Variants in EYA1 observed in about 807,000 individuals in gnomAD.
The protein encoded by EYA1 is EYA transcriptional coactivator and phosphatase 1.
Under a neutral mutation model 82.0 loss-of-function variants are expected in EYA1, and 16 were observed. The observed-to-expected ratio is 0.20, with a 90% CI of 0.13 to 0.30. EYA1 has a LOEUF of 0.30. EYA1 is among the 10% of genes least tolerant of loss of function. EYA1 has a pLI of 1.00. For synonymous variants in EYA1, 261 were observed against 264.4 expected (o/e 0.99, Z 0.12); for missense variants, 633 against 730.7 (o/e 0.87, Z 1.54).
chr8:71,289,322 T>C (rs1244496273), intron 9 of EYA1, among the ~76,000 whole-genome samples: 1 of 152,216 alleles, frequency 6.6e-6, no homozygotes, highest in East Asian at 1.9e-4. Flanking sequence ...TATAATTCAG[T>C]GAATACTTAT....
chr8:71,281,126 A>G (rs1369833932), intron 9 of EYA1, among the ~76,000 whole-genome samples: 1 of 152,236 alleles, frequency 6.6e-6, no homozygotes, highest in African/African-American at 2.4e-5. Flanking sequence ...CTCAATTTGA[A>G]GTAGCTATAA....
intron 2 of EYA1, among the ~76,000 whole-genome samples, chr8:71,403,225 A>T (rs922729881): frequency 6.6e-6 from 1 of 152,240 alleles, no homozygotes; most frequent in Non-Finnish European, 1.5e-5. Context: ...AAAGGTGAGC[A>T]ATCCAATACA....
intron 4 of EYA1, 31 bp downstream of exon 4, chr8:71,334,066 T>G (rs2129046913): frequency 6.7e-7 from 1 of 1,494,886 alleles, no homozygotes; most frequent in African/African-American, 1.4e-5. Flanking sequence ...ATGCTTGGTG[T>G]TGATGTGAAA....
chr8:71,439,078 TG>T (rs949505026), intron 2 of EYA1, among the ~76,000 whole-genome samples: 5 of 152,106 alleles, frequency 3.3e-5, no homozygotes, highest in African/African-American at 1.2e-4. Context: ...GATTTTGATA[TG>T]GGGGGCCCTA....
At chr8:71,499,129 C>G (rs1270064782) in intron 2 of EYA1, among the ~76,000 whole-genome samples, 1 of 152,082 alleles carries the variant, frequency 6.6e-6, no homozygotes, top group African/African-American at 2.4e-5. Context: ...GGGTTTTCCT[C>G]ACATTCTAAA....
At chr8:71,237,282 C>T (rs28714409) in intron 12 of EYA1, among the ~76,000 whole-genome samples, 6,271 of 152,160 alleles carry the variant, frequency 0.041, 409 homozygotes, top group African/African-American at 0.14. Context: ...AAACTCCTGA[C>T]CTCGTGATCC....
intron 11 of EYA1, among the ~76,000 whole-genome samples, chr8:71,267,548 T>C (rs1815990408): frequency 6.6e-6 from 1 of 152,198 alleles, no homozygotes; most frequent in Non-Finnish European, 1.5e-5. Flanking sequence ...TTATATGAGA[T>C]AAAACTTTTG....
chr8:71,334,081 A>G lies in EYA1; in HGVS notation c.202+16T>C. The G allele has an allele frequency of 6.3e-7, 1 of 1,595,158 alleles. No individual in the cohort carries two copies. Among genetic ancestry groups the G allele is most frequent in the Non-Finnish European group, 8.6e-7 (1 of 1,162,896 alleles). ...ATGCTTGGTGTTGATGTGAAAATCTAATATTTATTCCTTACCTGAACCTGA... is the reference window on the plus strand; with the variant it reads ...ATGCTTGGTGTTGATGTGAAAATCTGATATTTATTCCTTACCTGAACCTGA... On this transcript the variant is annotated intron_variant, in intron 4 of 17. Coordinates refer to ENST00000340726, the MANE Select transcript of EYA1 (RefSeq NM_000503.6).
chr8:71,269,795 G>A lies in EYA1; in HGVS notation c.995C>T (p.Thr332Ile). 1 of 1,613,694 alleles carries A rather than the reference G, an allele frequency of 6.2e-7. No individual in the cohort carries two copies. Among genetic ancestry groups the A allele is most frequent in the Non-Finnish European group, 8.5e-7 (1 of 1,179,716 alleles). The change falls in exon 11 of 18, where the codon ACA becomes ATA. Residue 332 changes from threonine (T) to isoleucine (I), a missense_variant. Coordinates refer to ENST00000340726, the MANE Select transcript of EYA1 (RefSeq NM_000503.6). ...ERVFIWDLDE[T>I]IIVFHSLLTG... ...AAGCAAGGAGTGGAAAACAATGATT[G>A]TCTCATCCAAGTCCCAGATGAACAC... is the stretch of plus-strand genomic sequence containing the variant.
intron 1 of EYA1, among the ~76,000 whole-genome samples, chr8:71,539,277 C>T (rs1280366200): frequency 6.6e-6 from 1 of 152,092 alleles, no homozygotes; most frequent in Non-Finnish European, 1.5e-5. Flanking sequence ...GCTGGAGATG[C>T]ATTTAATGAT....
chr8:71,382,220 A>T (rs990641183), intron 2 of EYA1, among the ~76,000 whole-genome samples: 1 of 152,206 alleles, frequency 6.6e-6, no homozygotes, highest in Non-Finnish European at 1.5e-5. Flanking sequence ...AAGTAGATAA[A>T]AGCTTTATTT....
upstream of EYA1, among the ~76,000 whole-genome samples, chr8:71,364,939 CATATATAT>C (rs34890892): frequency 0.07 from 6,146 of 87,998 alleles, 342 homozygotes; most frequent in Non-Finnish European, 0.085. Flanking sequence ...AAGCAAATGT[CATATATAT>C]ATATATATAT....
At chr8:71,261,643 G>T (rs1815123851) in intron 11 of EYA1, among the ~76,000 whole-genome samples, 1 of 152,176 alleles carries the variant, frequency 6.6e-6, no homozygotes, top group African/African-American at 2.4e-5. Flanking sequence ...ACATTCCAAA[G>T]ACTAATTTTG....
intron 2 of EYA1, among the ~76,000 whole-genome samples, chr8:71,406,903 G>A (rs1377881897): frequency 1.4e-5 from 2 of 145,468 alleles, no homozygotes; most frequent in Admixed American, 1.4e-4. Context: ...GCCTCTGTAG[G>A]CTCCACCTCT....
At chr8:71,545,603 C>A (rs1363259259) in intron 1 of EYA1, among the ~76,000 whole-genome samples, 1 of 147,136 alleles carries the variant, frequency 6.8e-6, no homozygotes, top group Non-Finnish European at 1.5e-5. Flanking sequence ...GCTCTGTCGC[C>A]CAGGCTGGAG....
At chr8:71,257,532 T>A (rs960189792) in intron 11 of EYA1, among the ~76,000 whole-genome samples, 1 of 152,210 alleles carries the variant, frequency 6.6e-6, no homozygotes, top group African/African-American at 2.4e-5. Flanking sequence ...CTGCCAAAGT[T>A]CCTCAGCATA....
In EYA1 at chr8:71,198,617, C is replaced by A. The variant is rs1806540364; in HGVS notation, c.*723G>T. 1 of 152,610 alleles carries A rather than the reference C, an allele frequency of 6.6e-6. No homozygotes were observed. Among genetic ancestry groups the A allele is most frequent in the Admixed American group, 6.5e-5 (1 of 15,278 alleles). The allele number at this position is 152,610 out of a possible 1,614,324, so 9.5% of individuals were successfully genotyped here. A position where few individuals can be genotyped will look rare whatever the true frequency, so the allele number is the denominator to read the frequency against. Reference sequence around the variant, plus strand: ...TTATTACAAATTTACACCAAAAATTCTTTCTGTACATGATTGTCTCAGTGA... The same window carrying A: ...TTATTACAAATTTACACCAAAAATTATTTCTGTACATGATTGTCTCAGTGA... On this transcript the variant is annotated 3_prime_UTR_variant, in exon 18 of 18. Coordinates refer to ENST00000340726, the MANE Select transcript of EYA1 (RefSeq NM_000503.6).
intron 2 of EYA1, among the ~76,000 whole-genome samples, chr8:71,373,253 C>CA (rs1023311889): frequency 6.6e-6 from 1 of 152,046 alleles, no homozygotes; most frequent in Non-Finnish European, 1.5e-5. Context: ...AAAGGTTCCA[C>CA]AAAAAATGTT....
intron 7 of EYA1, among the ~76,000 whole-genome samples, chr8:71,316,570 AATAATAAATG>A (rs1283037904): frequency 6.6e-6 from 1 of 152,200 alleles, no homozygotes; most frequent in African/African-American, 2.4e-5. Context: ...TCATAATGAT[AATAATAAATG>A]TATGAGACTT....
Sources: gnomAD v4.1 joint callset for allele counts (sites outside exome capture counted in the v4.1 genomes callset) on GRCh38, gnomAD v4.1.1 for gene constraint, MANE v1.5 for transcripts, NCBI Gene and HGNC (gene_info 2026-07-23, HGNC 2026-07-21) for gene names.